ITGB5: variants seen among roughly 807,000 people sequenced by gnomAD.
ITGB5 encodes the protein integrin beta-5.
A neutral mutation model predicts 84.8 loss-of-function variants in ITGB5; 38 were observed. The ratio of observed to expected loss-of-function variants is 0.45; its 90% CI spans 0.35 to 0.59. ITGB5 has a LOEUF of 0.59. Ranked by LOEUF, ITGB5 falls within the 20% of genes least tolerant of loss-of-function variation. The probability of loss-of-function intolerance (pLI) is 0.01; values close to 1 mark genes in which losing one functional copy is unlikely to be tolerated. For synonymous variants in ITGB5, 393 were observed against 414.4 expected (o/e 0.95, Z 0.63); for missense variants, 905 against 1,034.5 (o/e 0.87, Z 1.72).
chr3:124,881,873 C>T (rs1387903402), intron 1 of ITGB5, among the ~76,000 whole-genome samples: 2 of 152,150 alleles, frequency 1.3e-5, no homozygotes, highest in Non-Finnish European at 1.5e-5. Context: ...GAGGCTGAGG[C>T]AGGAGAATCG....
rs533681514 is a variant in ITGB5 at position 124,763,344 on chromosome 3, A to G, written c.*279T>C. On this transcript the variant is annotated 3_prime_UTR_variant, in exon 15 of 15. Coordinates refer to ENST00000296181, the MANE Select transcript of ITGB5 (RefSeq NM_002213.5). The stretch of plus-strand genomic sequence containing the variant: ...AGCATCTCAGTATTTCATTGGGACA[A>G]CAAGCTGGATGTGGCAGGGAAAGCT... The G allele has an allele frequency of 3.3e-4, 96 of 290,180 alleles. No individual in the cohort carries two copies. In the South Asian group the frequency reaches 5.3e-3, roughly 16 times the overall value. 18.0% of individuals were successfully genotyped at this position (290,180 alleles called of 1,614,324 possible). A position where few individuals can be genotyped will look rare whatever the true frequency, so the allele number is the denominator to read the frequency against.
intron 1 of ITGB5, among the ~76,000 whole-genome samples, chr3:124,895,536 G>A (rs938718739): frequency 1.3e-5 from 2 of 152,124 alleles, no homozygotes; most frequent in African/African-American, 2.4e-5. Flanking sequence ...CCTTTACCTT[G>A]TCTTAGGTAT....
At chr3:124,859,507 C>T in intron 2 of ITGB5, 61 bp from the exon 3 acceptor site, 1 of 1,352,756 alleles carries the variant, frequency 7.4e-7, no homozygotes. Flanking sequence ...GAAAACATCG[C>T]ATGTCGTGGC....
Position 124,762,290 on chromosome 3 carries a change from A to G in ITGB5, c.*1333T>C, listed in dbSNP as rs1273128591. On this transcript the variant is annotated 3_prime_UTR_variant, in exon 15 of 15. Coordinates refer to ENST00000296181, the MANE Select transcript of ITGB5 (RefSeq NM_002213.5). ...GTTATTCCAGTGACAAAAAATGATC[A>G]GTGAAAGATTTTCTAAGAGCAAGCA... is the stretch of plus-strand genomic sequence containing the variant. 1 of 152,232 alleles carries G rather than the reference A, an allele frequency of 6.6e-6. No individual in the cohort carries two copies. Among genetic ancestry groups the G allele is most frequent in the East Asian group, 1.9e-4 (1 of 5,198 alleles). The allele number at this position is 152,232 out of a possible 1,614,324, so 9.4% of individuals were successfully genotyped here.
At chr3:124,884,633 T>G (rs1934721850) in intron 1 of ITGB5, among the ~76,000 whole-genome samples, 1 of 151,764 alleles carries the variant, frequency 6.6e-6, no homozygotes, top group African/African-American at 2.4e-5. Context: ...GAGGTTGTGG[T>G]GAGCTGAGAT....
At chr3:124,871,643 T>C (rs142662785) in intron 2 of ITGB5, among the ~76,000 whole-genome samples, 25 of 152,078 alleles carry the variant, frequency 1.6e-4, no homozygotes, top group Non-Finnish European at 3.2e-4. Context: ...CTGGGAAACA[T>C]AGAGAGATCC....
At chr3:124,876,170 A>G (rs1934302916) in intron 1 of ITGB5, among the ~76,000 whole-genome samples, 1 of 152,204 alleles carries the variant, frequency 6.6e-6, no homozygotes, top group Non-Finnish European at 1.5e-5. Context: ...AGACACAAAG[A>G]TAACTATGGG....
At chr3:124,768,527 C>T (rs1044276043) in intron 12 of ITGB5, among the ~76,000 whole-genome samples, 5 of 152,178 alleles carry the variant, frequency 3.3e-5, no homozygotes, top group African/African-American at 9.7e-5. Context: ...TCTTTTGCTC[C>T]GCACTGTGGT....
rs142426161 is a variant in ITGB5, at chr3:124,844,694, T to C, written c.612-3143A>G. On this transcript the variant is annotated intron_variant, in intron 4 of 14. Transcript: ENST00000296181. ...GCTGAGCCTCAGTCCTGCAGAGGGCTGAACACTGGAATAGGGCTGTCTGCA... is the reference window on the plus strand; with the variant it reads ...GCTGAGCCTCAGTCCTGCAGAGGGCCGAACACTGGAATAGGGCTGTCTGCA... Among the ~76,000 whole-genome samples, 968 of 152,274 alleles carry C rather than the reference T, an allele frequency of 6.4e-3. 9 individuals are homozygous for C. Among genetic ancestry groups the C allele is most frequent in the African/African-American group, 0.022 (896 of 41,550 alleles).
At chr3:124,775,635 A>G (rs1553753860) in intron 10 of ITGB5, among the ~76,000 whole-genome samples, 1 of 152,134 alleles carries the variant, frequency 6.6e-6, no homozygotes, top group Non-Finnish European at 1.5e-5. Context: ...CAAGAGTTTC[A>G]TTTGCTGAGC....
chr3:124,794,847 G>A (rs1405964859), intron 10 of ITGB5, among the ~76,000 whole-genome samples: 1 of 151,458 alleles, frequency 6.6e-6, no homozygotes, highest in Non-Finnish European at 1.5e-5. Flanking sequence ...AGAAGGAGGA[G>A]GAGAAGGAGA....
At chr3:124,832,627 G>A (rs1439124257) in intron 5 of ITGB5, among the ~76,000 whole-genome samples, 5 of 152,222 alleles carry the variant, frequency 3.3e-5, no homozygotes, top group African/African-American at 1.2e-4. Context: ...CACAGAGTCT[G>A]TTCTCTGGCT....
intron 11 of ITGB5, among the ~76,000 whole-genome samples, chr3:124,770,664 G>C (rs1290763473): frequency 6.6e-6 from 1 of 152,164 alleles, no homozygotes; most frequent in Non-Finnish European, 1.5e-5. Flanking sequence ...CCACCTCTCA[G>C]ACTAGGCTTC....
chr3:124,806,701 T>C (rs1381487764), intron 9 of ITGB5, among the ~76,000 whole-genome samples: 2 of 151,992 alleles, frequency 1.3e-5, no homozygotes, highest in Admixed American at 1.3e-4. Flanking sequence ...CCTTCCAAAG[T>C]GCTGGGATTA....
At chr3:124,827,989 C>G (rs2064807607) in intron 5 of ITGB5, among the ~76,000 whole-genome samples, 1 of 151,822 alleles carries the variant, frequency 6.6e-6, no homozygotes, top group Non-Finnish European at 1.5e-5. Flanking sequence ...CCCCCCAACG[C>G]CCCCGCCGCC....
chr3:124,771,397 A>C (rs1270558171), intron 11 of ITGB5, among the ~76,000 whole-genome samples: 1 of 152,208 alleles, frequency 6.6e-6, no homozygotes, highest in East Asian at 1.9e-4. Context: ...AAAAGAAAAA[A>C]AAGTTCCACC....
intron 9 of ITGB5, among the ~76,000 whole-genome samples, chr3:124,803,089 C>T (rs893303546): frequency 2.0e-5 from 3 of 152,184 alleles, no homozygotes; most frequent in Non-Finnish European, 4.4e-5. Flanking sequence ...CTCTAAAAAC[C>T]ACTTCAATAC....
intron 5 of ITGB5, among the ~76,000 whole-genome samples, chr3:124,835,370 G>A (rs116186100): frequency 0.027 from 4,119 of 152,340 alleles, 194 homozygotes; most frequent in African/African-American, 0.092. Flanking sequence ...AACCACTGCC[G>A]TCTGCCACAT....
At chr3:124,790,566 G>A (rs1029533397) in intron 10 of ITGB5, among the ~76,000 whole-genome samples, 12 of 152,358 alleles carry the variant, frequency 7.9e-5, no homozygotes, top group African/African-American at 2.4e-4. Context: ...ACTAGACAGG[G>A]TTAACAGAAT....
Sources: gnomAD v4.1 joint callset for allele counts (sites outside exome capture counted in the v4.1 genomes callset) on GRCh38, gnomAD v4.1.1 for gene constraint, MANE v1.5 for transcripts, NCBI Gene and HGNC (gene_info 2026-07-23, HGNC 2026-07-21) for gene names.